Variants in CDH7 observed in about 807,000 individuals in gnomAD.
The protein encoded by CDH7 is cadherin-7.
A neutral mutation model predicts 71.8 loss-of-function variants in CDH7; 25 were observed. The observed-to-expected ratio is 0.35, with a 90% CI of 0.25 to 0.49. The LOEUF (loss-of-function observed/expected upper bound fraction) is 0.49, where lower values mean the gene tolerates loss of function less well. Ranked by LOEUF, CDH7 falls within the 20% of genes least tolerant of loss-of-function variation. CDH7 has a pLI of 0.99. For synonymous variants in CDH7, 381 were observed against 363.8 expected (o/e 1.05, Z -0.54); for missense variants, 862 against 974.6 (o/e 0.88, Z 1.54).
intron 11 of CDH7, among the ~76,000 whole-genome samples, chr18:65,876,961 G>A (rs1344056396): frequency 1.3e-5 from 2 of 152,092 alleles, no homozygotes; most frequent in Non-Finnish European, 2.9e-5. Flanking sequence ...AGAAGTAGAG[G>A]TCATATGACA....
At chr18:65,790,794 C>A (rs1910685888) in intron 2 of CDH7, among the ~76,000 whole-genome samples, 1 of 152,094 alleles carries the variant, frequency 6.6e-6, no homozygotes, top group African/African-American at 2.4e-5. Context: ...ACCTGAACCA[C>A]GGAAGCAGAG....
At chr18:65,871,281 C>A (rs962919304) in intron 11 of CDH7, among the ~76,000 whole-genome samples, 1 of 152,132 alleles carries the variant, frequency 6.6e-6, no homozygotes, top group Non-Finnish European at 1.5e-5. Context: ...ACTACTTAAG[C>A]CCTTTACAAA....
At position 65,805,711 on chromosome 18, in the gene CDH7, C is replaced by T. The variant is rs146770993; in HGVS notation, c.211-3993C>T. 3.4e-3 allele frequency among the ~76,000 whole-genome samples: 512 copies of T among 152,206 alleles called. 3 individuals carry two copies. Among genetic ancestry groups the T allele is most frequent in the Non-Finnish European group, 5.7e-3 (389 of 68,014 alleles). On this transcript the variant is annotated intron_variant, in intron 2 of 11. Coordinates refer to ENST00000397968, the MANE Select transcript of CDH7 (RefSeq NM_004361.5). ...GAAGCTCCGGGCCATGCCCAGGGGC[C>T]GATCCATCATGAAAGTCCTTCAGGC...
intron 2 of CDH7, among the ~76,000 whole-genome samples, chr18:65,765,205 G>A (rs1598987534): frequency 6.6e-6 from 1 of 151,936 alleles, no homozygotes; most frequent in South Asian, 2.1e-4. Context: ...ACAGAAAAAG[G>A]GCTGTAACAT....
chr18:65,812,203 G>A (rs559335750), intron 3 of CDH7, among the ~76,000 whole-genome samples: 15 of 151,930 alleles, frequency 9.9e-5, no homozygotes, highest in African/African-American at 3.6e-4. Context: ...TCTTGACCTT[G>A]TGATCTGCCC....
chr18:65,873,872 C>A (rs1046234341), intron 11 of CDH7, among the ~76,000 whole-genome samples: 3 of 152,156 alleles, frequency 2.0e-5, no homozygotes, highest in Non-Finnish European at 4.4e-5. Flanking sequence ...ATTTTCCTAG[C>A]ATATTTTATA....
intron 2 of CDH7, chr18:65,803,636 G>A (rs565010781): frequency 4.0e-5 from 6 of 151,888 alleles, no homozygotes; most frequent in Admixed American, 3.3e-4. Context: ...TATATACAGT[G>A]GTATGTGGAA....
chr18:65,816,489 G>A (rs149656149), intron 4 of CDH7, among the ~76,000 whole-genome samples: 280 of 152,050 alleles, frequency 1.8e-3, no homozygotes, highest in African/African-American at 6.3e-3. Context: ...TAAATCTAAG[G>A]GTTTTTTGGG....
chr18:65,810,709 C>G (rs1911503353), intron 3 of CDH7, among the ~76,000 whole-genome samples: 2 of 152,166 alleles, frequency 1.3e-5, no homozygotes, highest in African/African-American at 2.4e-5. Flanking sequence ...CTCCTACCCC[C>G]AACCCTCCAA....
chr18:65,790,220 C>CAAAAAAAAAA (rs10552878), intron 2 of CDH7, among the ~76,000 whole-genome samples: 1 of 66,516 alleles, frequency 1.5e-5, no homozygotes, highest in Non-Finnish European at 3.0e-5. Context: ...GACTCTCTCT[C>CAAAAAAAAAA]AAAAAAAAAA....
intron 5 of CDH7, 132 bp downstream of exon 5, chr18:65,822,380 A>G (rs1911967419): frequency 4.5e-6 from 3 of 668,460 alleles, no homozygotes; most frequent in African/African-American, 1.8e-5. Context: ...TCAAATTTGC[A>G]TTTTATTAGA....
chr18:65,815,719 A>G (rs1191023847), intron 4 of CDH7, among the ~76,000 whole-genome samples: 1 of 152,226 alleles, frequency 6.6e-6, no homozygotes, highest in East Asian at 1.9e-4. Flanking sequence ...AGAAGCAGTC[A>G]TGATTAAGCA....
chr18:65,766,494 G>A (rs1916371477), intron 2 of CDH7, among the ~76,000 whole-genome samples: 1 of 152,086 alleles, frequency 6.6e-6, no homozygotes, highest in Non-Finnish European at 1.5e-5. Context: ...CCCGGGCTCA[G>A]ACTTCTGGGC....
At position 65,862,065 on chromosome 18, in the gene CDH7, A is replaced by C. The variant is rs1385243737; in HGVS notation, c.1613-601A>C. On this transcript the variant is annotated intron_variant, in intron 10 of 11. Transcript: ENST00000397968. ...TTCAAATATTAAATATAAGGTAAACATAAATAGCCTGTTTTATCACTGACA... is the reference window on the plus strand; with the variant it reads ...TTCAAATATTAAATATAAGGTAAACCTAAATAGCCTGTTTTATCACTGACA... Among the ~76,000 whole-genome samples, 5 of 152,274 alleles carry C rather than the reference A, an allele frequency of 3.3e-5. No individual in the cohort carries two copies. In the East Asian group the frequency reaches 7.7e-4, roughly 23 times the overall value.
chr18:65,778,529 C>CTTTTTTGTTTTTTTTT (rs1910046573), intron 2 of CDH7, among the ~76,000 whole-genome samples: 1 of 84,340 alleles, frequency 1.2e-5, no homozygotes, highest in Non-Finnish European at 2.4e-5. Flanking sequence ...GCGTCTCACT[C>CTTTTTTGTTTTTTTTT]TTTTTTTTTT....
chr18:65,840,774 G>A (rs968561506), intron 6 of CDH7, among the ~76,000 whole-genome samples: 1 of 152,032 alleles, frequency 6.6e-6, no homozygotes, highest in African/African-American at 2.4e-5. Flanking sequence ...GCCCAATCTT[G>A]GGTATGTCTT....
rs1239910304 is a variant in CDH7, at chr18:65,888,427, A to G, written c.*7533A>G. ...ACCTCAAAAGACCTGACACACTACAATGAAGACTTCTGTTGTCATCATTCT... is the reference window on the plus strand; with the variant it reads ...ACCTCAAAAGACCTGACACACTACAGTGAAGACTTCTGTTGTCATCATTCT... On this transcript the variant is annotated 3_prime_UTR_variant, in exon 12 of 12. Coordinates refer to ENST00000397968, the MANE Select transcript of CDH7 (RefSeq NM_004361.5). The G allele has an allele frequency of 6.6e-6, 1 of 152,184 alleles. No homozygotes were observed. Among genetic ancestry groups the G allele is most frequent in the African/African-American group, 2.4e-5 (1 of 41,460 alleles). 9.4% of individuals were successfully genotyped at this position (152,184 alleles called of 1,614,324 possible).
intron 4 of CDH7, among the ~76,000 whole-genome samples, chr18:65,815,577 C>T (rs1434937468): frequency 1.3e-5 from 2 of 152,034 alleles, no homozygotes; most frequent in Admixed American, 6.6e-5. Context: ...TGAGAATGAC[C>T]GTTGTAATGT....
At chr18:65,753,337 C>T (rs1360785071) in intron 1 of CDH7, among the ~76,000 whole-genome samples, 2 of 152,176 alleles carry the variant, frequency 1.3e-5, no homozygotes, top group African/African-American at 4.8e-5. Flanking sequence ...AAATACTAAA[C>T]TCACAAATTG....
Sources: gnomAD v4.1 joint callset for allele counts (sites outside exome capture counted in the v4.1 genomes callset) on GRCh38, gnomAD v4.1.1 for gene constraint, MANE v1.5 for transcripts, NCBI Gene and HGNC (gene_info 2026-07-23, HGNC 2026-07-21) for gene names.